The following RELN variants were observed in gnomAD, a reference collection of about 807,000 sequenced individuals.
The protein encoded by RELN is reelin.
RELN carries 108 observed loss-of-function variants against 427.6 expected under a neutral mutation model. The ratio of observed to expected loss-of-function variants is 0.25; its 90% confidence interval spans 0.22 to 0.30. The LOEUF is 0.30. RELN is among the 10% of genes least tolerant of loss of function. The pLI is 1.00. For synonymous variants in RELN, 1,524 were observed against 1,513.4 expected, an observed-to-expected ratio of 1.01 and a Z score of -0.16; for missense variants, 3,715 against 4,302.8, an observed-to-expected ratio of 0.86 and a Z score of 3.82.
chr7:103,749,560 T>C (rs1224121815), intron 5 of RELN, 56 bp from the exon 6 acceptor site: 1 of 1,222,774 alleles, frequency 8.2e-7, no homozygotes, highest in Admixed American at 1.7e-5. Context: ...TACATTTAGC[T>C]AAACACAAGT....
At chr7:103,816,127 C>T (rs2116355120) in intron 3 of RELN, among the ~76,000 whole-genome samples, 1 of 152,178 alleles carries the variant, frequency 6.6e-6, no homozygotes, top group Non-Finnish European at 1.5e-5. Context: ...GCCTATAATC[C>T]CAGCACTTTG....
intron 3 of RELN, among the ~76,000 whole-genome samples, chr7:103,778,577 C>A (rs1791804578): frequency 6.6e-6 from 1 of 152,198 alleles, no homozygotes; most frequent in Admixed American, 6.5e-5. Flanking sequence ...AGAGGTTTCA[C>A]CTTTTCTCTA....
Position 103,489,849 on chromosome 7 carries a change from C to T in RELN, c.9656G>A (p.Ser3219Asn). The T allele has an allele frequency of 6.2e-7, 1 of 1,614,176 alleles. No homozygotes were observed. The change falls in exon 60 of 65, where the codon AGC (serine) becomes AAC (asparagine). Residue 3219 changes from serine to asparagine, a missense_variant. Ser to Asn is a conservative substitution (Grantham distance 46). This residue lies in a region of RELN where 1,310 missense variants were observed against 1,643.0 expected (regional missense o/e 0.80). Transcript: ENST00000428762. Reference sequence around the variant, plus strand: ...AATGTACACGTGGTCAATTGCCCAGCTTTGCTTCTCAGTTTCTTCTCCCTT... The same window carrying T: ...AATGTACACGTGGTCAATTGCCCAGTTTTGCTTCTCAGTTTCTTCTCCCTT... ...IQKGEETEKQSWAIDHVYIGE... is the reference protein window; with the variant it reads ...IQKGEETEKQNWAIDHVYIGE...
chr7:103,885,675 C>A (rs1202779779), intron 2 of RELN, among the ~76,000 whole-genome samples: 1 of 152,136 alleles, frequency 6.6e-6, no homozygotes, highest in African/African-American at 2.4e-5. Context: ...CACCATGGCA[C>A]AAGTATGCCT....
Position 103,795,441 on chromosome 7 carries a change from C to A in RELN, c.474-18814G>T, listed in dbSNP as rs145924496. ...TCCAGTGTGGATAATCGGGAGGGGA[C>A]AAAAATATAAGGTATAAACATGAAA... On this transcript the variant is annotated intron_variant, in intron 3 of 64. Coordinates refer to ENST00000428762, the MANE Select transcript of RELN (RefSeq NM_005045.4). 1.2e-3 allele frequency among the ~76,000 whole-genome samples: 181 copies of A among 151,794 alleles called. 2 individuals carry two copies. Among genetic ancestry groups the A allele is most frequent in the African/African-American group, 4.2e-3 (173 of 41,384 alleles).
intron 6 of RELN, among the ~76,000 whole-genome samples, chr7:103,741,930 G>A (rs528733340): frequency 3.3e-5 from 5 of 152,166 alleles, no homozygotes; most frequent in African/African-American, 4.8e-5. Context: ...GGTTCTCCCC[G>A]CACGCAGCTT....
At chr7:103,509,839 C>G (rs558157584) in intron 51 of RELN, among the ~76,000 whole-genome samples, 2 of 151,682 alleles carry the variant, frequency 1.3e-5, no homozygotes, top group South Asian at 2.1e-4. Flanking sequence ...AGGATATGAA[C>G]AGACACTTCT....
At chr7:103,690,605 G>C (rs1008042708) in intron 10 of RELN, among the ~76,000 whole-genome samples, 1 of 152,124 alleles carries the variant, frequency 6.6e-6, no homozygotes, top group Non-Finnish European at 1.5e-5. Flanking sequence ...ACAATATTCT[G>C]TGAAAGAGAG....
intron 22 of RELN, among the ~76,000 whole-genome samples, chr7:103,609,179 C>T (rs141905889): frequency 5.1e-4 from 75 of 147,826 alleles, no homozygotes; most frequent in African/African-American, 1.8e-3. Flanking sequence ...GCCAAGGTCG[C>T]GCCACTGCAC....
chr7:103,587,827 A>C (rs1831312007), intron 28 of RELN, among the ~76,000 whole-genome samples: 1 of 152,176 alleles, frequency 6.6e-6, no homozygotes, highest in Non-Finnish European at 1.5e-5. Context: ...CCACAATAAA[A>C]TATTGTCTTA....
chr7:103,843,082 A>T (rs1793592485), intron 2 of RELN, among the ~76,000 whole-genome samples: 1 of 152,180 alleles, frequency 6.6e-6, no homozygotes. Context: ...TTTCCTTTCC[A>T]GGAAAATGAG....
chr7:103,713,999 T>C (rs1169913287), intron 8 of RELN, among the ~76,000 whole-genome samples: 2 of 152,204 alleles, frequency 1.3e-5, no homozygotes, highest in Non-Finnish European at 2.9e-5. Flanking sequence ...AACATCTTGA[T>C]GACATGGCAA....
At chr7:103,976,431 T>C (rs1216115847) in intron 1 of RELN, among the ~76,000 whole-genome samples, 2 of 151,614 alleles carry the variant, frequency 1.3e-5, no homozygotes, top group Admixed American at 1.3e-4. Flanking sequence ...AGGAGCCTAC[T>C]GTAATATCCA....
chr7:103,603,355 T>C lies in RELN; in HGVS notation c.3282A>G (p.Pro1094=), dbSNP rs1281926093. 6.2e-7 allele frequency: 1 copy of C among 1,613,962 alleles called. No homozygotes were observed. The highest frequency in any genetic ancestry group is 1.3e-5 in the African/African-American group (1 of 75,042). ...QEVIGGEIVK[P]EQGCGVISSG... ...AAGAGATGACACCACACCCTTGTTC[T>C]GGTTTTACAATTTCTCCCCCAATAA... Residue 1094 remains proline (P), a synonymous_variant, in exon 24 of 65, where the codon CCA becomes CCG. Transcript: ENST00000428762. The surrounding 1 kb of genome is among the most constrained non-coding windows in gnomAD (Gnocchi z 4.3).
At chr7:103,710,893 A>G (rs538717388) in intron 8 of RELN, among the ~76,000 whole-genome samples, 1 of 152,152 alleles carries the variant, frequency 6.6e-6, no homozygotes, top group Non-Finnish European at 1.5e-5. Context: ...AAAATAAAAA[A>G]ATTAGCTGGG....
chr7:103,646,702 A>G (rs1254990738), intron 16 of RELN, among the ~76,000 whole-genome samples: 1 of 151,898 alleles, frequency 6.6e-6, no homozygotes, highest in African/African-American at 2.4e-5. Flanking sequence ...GCACAAAGAA[A>G]ATCTTGTACC....
At chr7:103,786,540 AG>A (rs1792021737) in intron 3 of RELN, among the ~76,000 whole-genome samples, 1 of 145,044 alleles carries the variant, frequency 6.9e-6, no homozygotes, top group African/African-American at 2.5e-5. Context: ...AAAAAAAGCA[AG>A]GGTTGCTATC....
At chr7:103,658,432 GA>G (rs1175642270) in intron 12 of RELN, among the ~76,000 whole-genome samples, 1 of 152,060 alleles carries the variant, frequency 6.6e-6, no homozygotes, top group Non-Finnish European at 1.5e-5. Context: ...CATCAGCCAA[GA>G]AAGTTTTAAA....
At chr7:103,971,798 C>A (rs907507295) in intron 1 of RELN, among the ~76,000 whole-genome samples, 39 of 148,356 alleles carry the variant, frequency 2.6e-4, no homozygotes, top group African/African-American at 9.3e-4. Flanking sequence ...CTTGGCCAGG[C>A]ATGCTGGCTG....
Sources: allele counts gnomAD v4.1 joint callset (sites outside exome capture counted in the v4.1 genomes callset), GRCh38; gene constraint gnomAD v4.1.1; regional missense constraint gnomAD v4.1.1; non-coding constraint Gnocchi (gnomAD v3.1); transcripts MANE v1.5; gene names NCBI Gene and HGNC (gene_info 2026-07-23, HGNC 2026-07-21).